Variants in JARID2 observed in about 807,000 individuals in gnomAD.
JARID2 encodes jumonji and AT-rich interaction domain containing 2.
In JARID2, 21 loss-of-function variants were observed where a neutral mutation model predicts 125.6. The observed-to-expected ratio is 0.17, with a 90% CI of 0.12 to 0.24. The LOEUF (loss-of-function observed/expected upper bound fraction) is 0.24, where lower values mean the gene tolerates loss of function less well. Ranked by LOEUF, JARID2 falls within the 10% of genes least tolerant of loss-of-function variation. The pLI, the probability that JARID2 is intolerant of heterozygous loss-of-function variation, is 1.00. For synonymous variants in JARID2, 736 were observed against 661.6 expected (o/e 1.11, Z -1.73); for missense variants, 1,303 against 1,639.6 (o/e 0.79, Z 3.55).
At chr6:15,309,322 G>C (rs181144140) in intron 1 of JARID2, among the ~76,000 whole-genome samples, 12 of 151,936 alleles carry the variant, frequency 7.9e-5, no homozygotes, top group Admixed American at 2.0e-4. Flanking sequence ...TTTAAAAATC[G>C]ACATTCCATG....
rs771271359 is a variant in JARID2 at position 15,511,584 on chromosome 6, C to T, written c.2952+183C>T. 5.3e-5 allele frequency among the ~76,000 whole-genome samples: 8 copies of T among 152,158 alleles called. No individual in the cohort carries two copies. In the East Asian group the frequency reaches 1.2e-3, roughly 22 times the overall value. On this transcript the variant is annotated intron_variant, in intron 13 of 17. Coordinates refer to ENST00000341776, the MANE Select transcript of JARID2 (RefSeq NM_004973.4). Reference sequence around the variant, plus strand: ...TGACCTTCCATCAGATTGCACAGGGCGCTGGGGTTTTGCACGGCCTTTGCA... The same window carrying T: ...TGACCTTCCATCAGATTGCACAGGGTGCTGGGGTTTTGCACGGCCTTTGCA...
chr6:15,288,486 G>A (rs1581373577), intron 1 of JARID2, among the ~76,000 whole-genome samples: 1 of 152,148 alleles, frequency 6.6e-6, no homozygotes, highest in Non-Finnish European at 1.5e-5. Context: ...AATTTGAGTG[G>A]GGACAAATAT....
At chr6:15,380,837 C>A (rs928600847) in intron 2 of JARID2, among the ~76,000 whole-genome samples, 1 of 151,894 alleles carries the variant, frequency 6.6e-6, no homozygotes, top group Non-Finnish European at 1.5e-5. Flanking sequence ...ATTTGTGAAT[C>A]AAAATAAAAA....
chr6:15,410,602 A>G (rs981528642), intron 3 of JARID2, among the ~76,000 whole-genome samples: 4 of 152,252 alleles, frequency 2.6e-5, no homozygotes. Context: ...CTGCTGGAAC[A>G]GTTAGCCAAA....
chr6:15,390,206 A>T (rs1402524540), intron 2 of JARID2, among the ~76,000 whole-genome samples: 2 of 152,282 alleles, frequency 1.3e-5, no homozygotes, highest in East Asian at 3.9e-4. Flanking sequence ...GTCTGATGAG[A>T]AACCCAATGT....
At chr6:15,266,757 T>C (rs1022129517) in intron 1 of JARID2, among the ~76,000 whole-genome samples, 1 of 152,196 alleles carries the variant, frequency 6.6e-6, no homozygotes. Flanking sequence ...TGATTGTGTG[T>C]GTTTGTTATT....
intron 1 of JARID2, among the ~76,000 whole-genome samples, chr6:15,300,683 T>TTGTGTGTGTGTGTGTG (rs35433395): frequency 1.0e-4 from 12 of 114,486 alleles, no homozygotes; most frequent in East Asian, 5.7e-4. Flanking sequence ...TGTCCTCATG[T>TTGTGTGTGTGTGTGTG]TGTGTGTGTG....
At chr6:15,407,641 C>T (rs766375475) in intron 2 of JARID2, among the ~76,000 whole-genome samples, 1 of 152,140 alleles carries the variant, frequency 6.6e-6, no homozygotes, top group Non-Finnish European at 1.5e-5. Flanking sequence ...CCTCCTTGTC[C>T]TCTTCGTCCA....
chr6:15,335,778 C>T (rs1762857077), intron 1 of JARID2, among the ~76,000 whole-genome samples: 1 of 152,162 alleles, frequency 6.6e-6, no homozygotes, highest in South Asian at 2.1e-4. Context: ...ACAGCTGGAG[C>T]AGGCTCTGTA....
chr6:15,410,329 G>T lies in JARID2; in HGVS notation c.287G>T (p.Ser96Ile). The part of the protein sequence containing the change: ...SQVSSTSNDV[S>I]SSDFEEGPSR... ...GTGTCCTCCACTAGCAACGATGTTA[G>T]TTCTTCAGATTTTGAAGAAGGGCCG... The change falls in exon 3 of 18, where the codon AGT (serine) becomes ATT (isoleucine). Residue 96 changes from serine (S) to isoleucine (I), a missense_variant. By Grantham distance (142) the Ser-to-Ile change is moderately radical. This residue lies in a region of JARID2 where 93 missense variants were observed against 120.4 expected (regional missense o/e 0.77). Transcript: ENST00000341776. 6.2e-7 allele frequency: 1 copy of T among 1,614,144 alleles called. No individual in the cohort carries two copies.
At chr6:15,272,314 C>T (rs2127355862) in intron 1 of JARID2, among the ~76,000 whole-genome samples, 2 of 152,266 alleles carry the variant, frequency 1.3e-5, no homozygotes, top group South Asian at 4.1e-4. Context: ...ATAGTGTTAT[C>T]ATGTACTTCC....
At chr6:15,469,037 C>G (rs1768888111) in intron 5 of JARID2, among the ~76,000 whole-genome samples, 2 of 152,072 alleles carry the variant, frequency 1.3e-5, no homozygotes, top group South Asian at 4.2e-4. Flanking sequence ...CATCTGTGCC[C>G]CCCTTTAATT....
chr6:15,519,933 T>TA (rs1379504476), intron 17 of JARID2, 136 bp from the exon 18 acceptor site: 2 of 566,348 alleles, frequency 3.5e-6, no homozygotes, highest in Non-Finnish European at 6.0e-6. Flanking sequence ...CTCTCGGGGT[T>TA]ATTTTAAAAC....
At chr6:15,312,974 C>A (rs794790) in intron 1 of JARID2, among the ~76,000 whole-genome samples, 150,218 of 152,330 alleles carry the variant, frequency 0.99, 74,102 homozygotes, top group East Asian at 1. Flanking sequence ...AAAACACTGG[C>A]GTTCAGCATC....
intron 16 of JARID2, 77 bp from the exon 17 acceptor site, chr6:15,517,078 CGGCCGG>C: frequency 3.0e-6 from 3 of 1,004,632 alleles, no homozygotes; most frequent in Non-Finnish European, 4.7e-6. Flanking sequence ...GGTGGCTGCC[CGGCCGG>C]GCGTGCTCCT....
At chr6:15,416,768 G>T (rs1010216999) in intron 3 of JARID2, among the ~76,000 whole-genome samples, 1 of 151,832 alleles carries the variant, frequency 6.6e-6, no homozygotes, top group African/African-American at 2.4e-5. Flanking sequence ...GTTTAGAATG[G>T]AACCATTACA....
intron 1 of JARID2, among the ~76,000 whole-genome samples, chr6:15,274,857 G>A (rs1760437176): frequency 6.6e-6 from 1 of 152,160 alleles, no homozygotes; most frequent in East Asian, 1.9e-4. Context: ...AAAAGCCACT[G>A]ACAATCTGAT....
chr6:15,268,403 C>T (rs1760170746), intron 1 of JARID2, among the ~76,000 whole-genome samples: 1 of 152,188 alleles, frequency 6.6e-6, no homozygotes, highest in Admixed American at 6.5e-5. Flanking sequence ...GTTGCTACCT[C>T]CCTGTTAAGC....
intron 1 of JARID2, among the ~76,000 whole-genome samples, chr6:15,322,328 C>T (rs1352668216): frequency 6.6e-6 from 1 of 152,210 alleles, no homozygotes; most frequent in African/African-American, 2.4e-5. Context: ...GGCATGGTGA[C>T]ACACTCCTGT....
Sources: allele counts gnomAD v4.1 joint callset (sites outside exome capture counted in the v4.1 genomes callset), GRCh38; gene constraint gnomAD v4.1.1; regional missense constraint gnomAD v4.1.1; transcripts MANE v1.5; gene names NCBI Gene and HGNC (gene_info 2026-07-23, HGNC 2026-07-21).